Variants in ADAM29 observed in about 807,000 individuals in gnomAD.
ADAM29 encodes the protein ADAM metallopeptidase domain 29, also known as disintegrin and metalloproteinase domain-containing protein 29.
For missense variants in ADAM29, 969 were observed against 1,001.8 expected (o/e 0.97, Z 0.44); for synonymous variants, 367 against 342.3 (o/e 1.07, Z -0.80).
At chr4:174,968,305 T>C (rs1746266620) in intron 4 of ADAM29, among the ~76,000 whole-genome samples, 1 of 152,150 alleles carries the variant, frequency 6.6e-6, no homozygotes, top group Non-Finnish European at 1.5e-5. Flanking sequence ...AGTGGCCCTC[T>C]GGAACAGCTC....
At chr4:174,931,819 C>A (rs547539004) in intron 3 of ADAM29, among the ~76,000 whole-genome samples, 58 of 102,710 alleles carry the variant, frequency 5.6e-4, no homozygotes, top group Middle Eastern at 4.2e-3. Flanking sequence ...CTCTCTGTCA[C>A]ACACACACAC....
intron 4 of ADAM29, among the ~76,000 whole-genome samples, chr4:174,964,193 G>T (rs1421926237): frequency 2.0e-5 from 3 of 151,958 alleles, no homozygotes; most frequent in Non-Finnish European, 4.4e-5. Context: ...AAGATTAACT[G>T]AAGTAATTAG....
chr4:174,953,485 T>C (rs891432017), intron 4 of ADAM29, among the ~76,000 whole-genome samples: 2 of 152,120 alleles, frequency 1.3e-5, no homozygotes, highest in Admixed American at 6.5e-5. Context: ...TCCTACAGAT[T>C]TCAAAAGATT....
chr4:174,974,062 A>G lies in ADAM29; in HGVS notation c.-180-1284A>G, dbSNP rs917644377. The stretch of plus-strand genomic sequence containing the variant: ...GTCATCCAGTGCTGTGATGTTGCCA[A>G]TATGGGTGGAATGGACAGCCCACCA... On this transcript the variant is annotated intron_variant, in intron 4 of 4. Transcript: ENST00000359240. Among the ~76,000 whole-genome samples the G allele has an allele frequency of 3.3e-5, 5 of 152,192 alleles. No homozygotes were observed. The South Asian group carries it at 6.2e-4, about 19-fold the overall frequency.
chr4:174,950,775 GGTGGGAA>G (rs1333289506), intron 4 of ADAM29, among the ~76,000 whole-genome samples: 1 of 152,140 alleles, frequency 6.6e-6, no homozygotes, highest in African/African-American at 2.4e-5. Context: ...GGAAGGGCCT[GGTGGGAA>G]GTGAGTAATT....
intron 2 of ADAM29, among the ~76,000 whole-genome samples, chr4:174,929,755 C>CTTTT (rs61292393): frequency 7.1e-6 from 1 of 140,070 alleles, no homozygotes. Context: ...ATCTCTCTCT[C>CTTTT]TTTTTTTTTT....
At chr4:174,937,298 A>T (rs551520299) in intron 4 of ADAM29, among the ~76,000 whole-genome samples, 1 of 152,166 alleles carries the variant, frequency 6.6e-6, no homozygotes, top group South Asian at 2.1e-4. Flanking sequence ...TACGCAAATG[A>T]TGATGTATTC....
intron 4 of ADAM29, among the ~76,000 whole-genome samples, chr4:174,963,036 T>G (rs1745936416): frequency 6.6e-6 from 1 of 152,152 alleles, no homozygotes; most frequent in South Asian, 2.1e-4. Flanking sequence ...AAATTCAGTA[T>G]GAAGTACATG....
intron 4 of ADAM29, among the ~76,000 whole-genome samples, chr4:174,959,343 ATTCTTCTGTAAGTAAGGTGCCCC>A (rs1330319310): frequency 6.6e-6 from 1 of 151,666 alleles, no homozygotes; most frequent in Non-Finnish European, 1.5e-5. Flanking sequence ...TCTAAACTTA[ATTCTTCTGTAAGTAAGGTGCCCC>A]TTACCAGCTT....
Position 174,976,022 on chromosome 4 carries a change from T to G in ADAM29, c.497T>G (p.Phe166Cys). 2 of 1,612,974 alleles carry G rather than the reference T, an allele frequency of 1.2e-6. No individual in the cohort carries two copies. Among genetic ancestry groups the G allele is most frequent in the South Asian group, 1.1e-5 (1 of 90,740 alleles). Reference sequence around the variant, plus strand: ...CAATTTTCAACCATGAGATCCGGATTTATGCAAAATGAAATAACATGCCGA... The same window carrying G: ...CAATTTTCAACCATGAGATCCGGATGTATGCAAAATGAAATAACATGCCGA... ...EKQFSTMRSGFMQNEITCRME... is the reference protein window; with the variant it reads ...EKQFSTMRSGCMQNEITCRME... Residue 166 changes from phenylalanine to cysteine, a missense_variant, in exon 5 of 5, where the codon TTT becomes TGT. Transcript: ENST00000359240.
chr4:174,973,178 C>T (rs558527715), intron 4 of ADAM29, among the ~76,000 whole-genome samples: 23 of 152,314 alleles, frequency 1.5e-4, no homozygotes, highest in African/African-American at 5.5e-4. Context: ...CATCTCCATC[C>T]TCTGCAGAAA....
chr4:174,971,694 A>C (rs1311690300), intron 4 of ADAM29, among the ~76,000 whole-genome samples: 1 of 152,090 alleles, frequency 6.6e-6, no homozygotes, highest in Non-Finnish European at 1.5e-5. Flanking sequence ...GTTTGAGTTC[A>C]TCTTATTTGG....
At chr4:174,933,919 T>G (rs530433407) in intron 3 of ADAM29, among the ~76,000 whole-genome samples, 5 of 152,328 alleles carry the variant, frequency 3.3e-5, no homozygotes, top group South Asian at 2.1e-4. Flanking sequence ...CTATTGTGAA[T>G]AGCGCTGCAA....
intron 4 of ADAM29, among the ~76,000 whole-genome samples, chr4:174,956,420 C>T (rs4695987): frequency 0.42 from 63,328 of 151,142 alleles, 13,764 homozygotes; most frequent in African/African-American, 0.54. Flanking sequence ...GGCATATAAG[C>T]CCTAACTATG....
chr4:174,940,768 G>A (rs1050571473), intron 4 of ADAM29, among the ~76,000 whole-genome samples: 2 of 152,012 alleles, frequency 1.3e-5, no homozygotes, highest in African/African-American at 4.8e-5. Flanking sequence ...GACATTTTCA[G>A]CATGGTCATG....
intron 4 of ADAM29, among the ~76,000 whole-genome samples, chr4:174,951,249 AC>A (rs1745159122): frequency 1.3e-5 from 2 of 152,056 alleles, no homozygotes; most frequent in Non-Finnish European, 2.9e-5. Context: ...GGCTGACCTG[AC>A]TCCCATCTAT....
Position 174,930,793 on chromosome 4 carries a change from G to C in ADAM29, c.-450-193G>C, listed in dbSNP as rs373172953. On this transcript the variant is annotated intron_variant, in intron 2 of 4. Coordinates refer to ENST00000359240, the MANE Select transcript of ADAM29 (RefSeq NM_014269.4). ...ATGTAAAAGAATGATTTTCTTCTGG[G>C]AAATTTTATATTTATGCATTTAAAT... is the stretch of plus-strand genomic sequence containing the variant. 4.6e-5 allele frequency among the ~76,000 whole-genome samples: 7 copies of C among 152,108 alleles called. No homozygotes were observed. The East Asian group carries it at 1.2e-3, about 25-fold the overall frequency.
intron 4 of ADAM29, among the ~76,000 whole-genome samples, chr4:174,944,384 T>G (rs1335941087): frequency 2.0e-5 from 3 of 152,210 alleles, no homozygotes; most frequent in African/African-American, 7.2e-5. Context: ...CTCTGCCATC[T>G]CACTCCCCAA....
Position 174,976,495 on chromosome 4 carries a change from G to C in ADAM29, c.970G>C (p.Gly324Arg). ...TGTTACTTTCATGAACAAAACTTTG[G>C]GCACTTTTTCAATTGCAGTGGCTCA... ...AIVTFMNKTL[G>R]TFSIAVAHHL... The change falls in exon 5 of 5, where the codon GGC becomes CGC. Residue 324 changes from glycine to arginine, a missense_variant. Coordinates refer to ENST00000359240, the MANE Select transcript of ADAM29 (RefSeq NM_014269.4). 6.2e-7 allele frequency: 1 copy of C among 1,611,752 alleles called. No homozygotes were observed. Among genetic ancestry groups the C allele is most frequent in the Non-Finnish European group, 8.5e-7 (1 of 1,178,876 alleles).
Sources: gnomAD v4.1 joint callset for allele counts (sites outside exome capture counted in the v4.1 genomes callset) on GRCh38, gnomAD v4.1.1 for gene constraint, MANE v1.5 for transcripts, NCBI Gene and HGNC (gene_info 2026-07-23, HGNC 2026-07-21) for gene names.